Variants in ARHGEF3 observed in about 807,000 individuals in gnomAD.
ARHGEF3 encodes 59.8 kDA protein.
Under a neutral mutation model 63.2 loss-of-function variants are expected in ARHGEF3, and 28 were observed. The observed-to-expected ratio is 0.44, with a 90% CI of 0.33 to 0.61. ARHGEF3 has a LOEUF of 0.61. Among genes scored for constraint, ARHGEF3 ranks in the 20% least tolerant of loss-of-function variants. The probability of loss-of-function intolerance (pLI) is 0.03; values close to 1 mark genes in which losing one functional copy is unlikely to be tolerated. For missense variants in ARHGEF3, 533 were observed against 659.3 expected (o/e 0.81, Z 2.10); for synonymous variants, 266 against 254.2 (o/e 1.05, Z -0.44).
intron 3 of ARHGEF3, chr3:56,958,769 C>A (rs1289890478): frequency 1.3e-6 from 2 of 1,503,268 alleles, no homozygotes; most frequent in Admixed American, 2.0e-5. Context: ...GAGGCCAGAG[C>A]ATGTATCCAT....
chr3:56,756,613 G>A (rs1257084494), intron 2 of ARHGEF3, among the ~76,000 whole-genome samples: 6 of 143,204 alleles, frequency 4.2e-5, no homozygotes, highest in African/African-American at 1.3e-4. Context: ...ACAGTGGTGC[G>A]ATCTCGGCTC....
chr3:56,776,728 A>G (rs1297796838), intron 1 of ARHGEF3, among the ~76,000 whole-genome samples: 1 of 152,136 alleles, frequency 6.6e-6, no homozygotes, highest in East Asian at 1.9e-4. Flanking sequence ...AATCGTAGGG[A>G]TGCTTTCAGG....
intron 4 of ARHGEF3, among the ~76,000 whole-genome samples, chr3:56,871,870 C>A (rs2040441267): frequency 6.6e-6 from 1 of 152,158 alleles, no homozygotes; most frequent in Non-Finnish European, 1.5e-5. Flanking sequence ...TTTAGTATTT[C>A]TTTCCAGTAT....
rs767968583 is a variant in ARHGEF3, at chr3:56,853,933, C to G, written c.192+28359G>C. Among the ~76,000 whole-genome samples the G allele has an allele frequency of 2.6e-5, 4 of 152,148 alleles. 1 individual carries two copies. Among genetic ancestry groups the G allele is most frequent in the Admixed American group, 1.3e-4 (2 of 15,276 alleles). On this transcript the variant is annotated intron_variant, in intron 4 of 12. Transcript: ENST00000338458. ...ACAATTGGCCAGGCGTAGTGGCTCACGCCTGTAATCCCAGCATTTTGGGAG... is the reference window on the plus strand; with the variant it reads ...ACAATTGGCCAGGCGTAGTGGCTCAGGCCTGTAATCCCAGCATTTTGGGAG...
intron 1 of ARHGEF3, among the ~76,000 whole-genome samples, chr3:57,057,874 C>T (rs556415448): frequency 1.3e-5 from 2 of 152,290 alleles, no homozygotes; most frequent in East Asian, 3.9e-4. Context: ...CTTGCTCTCA[C>T]TGATTTTACT....
chr3:56,780,068 C>G (rs1455181156), intron 1 of ARHGEF3, among the ~76,000 whole-genome samples: 1 of 152,160 alleles, frequency 6.6e-6, no homozygotes, highest in Non-Finnish European at 1.5e-5. Context: ...TTAAGGAGCA[C>G]AAATACACAA....
At position 56,869,311 on chromosome 3, in the gene ARHGEF3, A is replaced by G. The variant is rs75044602; in HGVS notation, c.192+12981T>C. 1.3e-4 allele frequency among the ~76,000 whole-genome samples: 20 copies of G among 152,316 alleles called. No individual in the cohort carries two copies. The East Asian group carries it at 3.7e-3, about 28-fold the overall frequency. On this transcript the variant is annotated intron_variant, in intron 4 of 12. Transcript: ENST00000338458. ...AAGATAAGCCCGTGATTTCGTTTCAAATGTTTCACCTTCAATATCAGTCAT... is the reference window on the plus strand; with the variant it reads ...AAGATAAGCCCGTGATTTCGTTTCAGATGTTTCACCTTCAATATCAGTCAT...
chr3:56,971,207 G>A (rs1035739107), intron 2 of ARHGEF3, among the ~76,000 whole-genome samples: 7 of 152,108 alleles, frequency 4.6e-5, no homozygotes, highest in Non-Finnish European at 8.8e-5. Context: ...GAAAGAACAT[G>A]AATACAACAT....
chr3:56,732,803 GA>G (rs991350260), intron 8 of ARHGEF3, among the ~76,000 whole-genome samples: 7 of 151,692 alleles, frequency 4.6e-5, no homozygotes, highest in African/African-American at 1.7e-4. Flanking sequence ...GTGATGAAGG[GA>G]AAAAAAAGTT....
chr3:56,838,386 G>A (rs1054327897), intron 4 of ARHGEF3, among the ~76,000 whole-genome samples: 2 of 152,090 alleles, frequency 1.3e-5, no homozygotes, highest in East Asian at 1.9e-4. Flanking sequence ...GTTAAAATAC[G>A]ATTCTATCAC....
intron 4 of ARHGEF3, among the ~76,000 whole-genome samples, chr3:56,850,397 C>T (rs905245451): frequency 6.6e-6 from 1 of 152,310 alleles, no homozygotes; most frequent in East Asian, 1.9e-4. Context: ...GGCGTGGTGG[C>T]ACATGCCTGT....
chr3:57,056,633 A>G (rs1704949866), intron 1 of ARHGEF3, among the ~76,000 whole-genome samples: 2 of 152,144 alleles, frequency 1.3e-5, no homozygotes, highest in African/African-American at 4.8e-5. Flanking sequence ...AGTTAAGGCA[A>G]GAAGAGATGT....
chr3:57,002,506 A>ATGTATG (rs1702281728), intron 2 of ARHGEF3, among the ~76,000 whole-genome samples: 1 of 76,376 alleles, frequency 1.3e-5, no homozygotes, highest in African/African-American at 4.3e-5. Context: ...TGTTATATAT[A>ATGTATG]TATATATGTT....
chr3:56,838,248 A>T (rs2039185591), intron 4 of ARHGEF3, among the ~76,000 whole-genome samples: 1 of 152,184 alleles, frequency 6.6e-6, no homozygotes, highest in Non-Finnish European at 1.5e-5. Context: ...ATAATTAAAA[A>T]TTTTACATAG....
At chr3:56,805,383 C>T (rs1399215229), upstream of ARHGEF3, among the ~76,000 whole-genome samples, 3 of 152,132 alleles carry the variant, frequency 2.0e-5, no homozygotes, top group African/African-American at 4.8e-5. Context: ...TACAGGCACA[C>T]GTCACCACGC....
chr3:56,987,912 T>A (rs751857113), intron 2 of ARHGEF3, among the ~76,000 whole-genome samples: 1 of 152,204 alleles, frequency 6.6e-6, no homozygotes, highest in African/African-American at 2.4e-5. Flanking sequence ...GCACTGTGTC[T>A]TGTGTGCACA....
At chr3:56,749,220 T>C (rs893630165) in intron 6 of ARHGEF3, among the ~76,000 whole-genome samples, 5 of 152,082 alleles carry the variant, frequency 3.3e-5, no homozygotes, top group Non-Finnish European at 7.4e-5. Flanking sequence ...CCTCATTTGA[T>C]GTCTGAAGCA....
intron 3 of ARHGEF3, among the ~76,000 whole-genome samples, chr3:56,895,285 A>C (rs927887231): frequency 6.6e-6 from 1 of 152,150 alleles, no homozygotes; most frequent in Non-Finnish European, 1.5e-5. Flanking sequence ...CGAGTTAGTC[A>C]TGACTACTCT....
intron 2 of ARHGEF3, among the ~76,000 whole-genome samples, chr3:56,998,200 C>A (rs1443347698): frequency 6.6e-6 from 1 of 152,130 alleles, no homozygotes; most frequent in African/African-American, 2.4e-5. Context: ...TCAATCCACA[C>A]AAACACACAA....
Sources: gnomAD v4.1 joint callset for allele counts (sites outside exome capture counted in the v4.1 genomes callset) on GRCh38, gnomAD v4.1.1 for gene constraint, MANE v1.5 for transcripts, NCBI Gene and HGNC (gene_info 2026-07-23, HGNC 2026-07-21) for gene names.